Variants in HACD2 observed in about 807,000 individuals in gnomAD.
The protein encoded by HACD2 is very-long-chain (3R)-3-hydroxyacyl-CoA dehydratase 2.
In HACD2, 15 loss-of-function variants were observed where a neutral mutation model predicts 31.0. The observed-to-expected ratio is 0.48, with a 90% CI of 0.32 to 0.75. The LOEUF (loss-of-function observed/expected upper bound fraction) is 0.75, where lower values mean the gene tolerates loss of function less well. Ranked by LOEUF, HACD2 falls within the 30% of genes least tolerant of loss-of-function variation. The pLI, the probability that HACD2 is intolerant of heterozygous loss-of-function variation, is 0.03. For missense variants in HACD2, 283 were observed against 313.0 expected (o/e 0.90, Z 0.72); for synonymous variants, 115 against 122.2 (o/e 0.94, Z 0.39).
At chr3:123,578,712 AG>A (rs1405943981) in intron 2 of HACD2, among the ~76,000 whole-genome samples, 1 of 152,244 alleles carries the variant, frequency 6.6e-6, no homozygotes, top group African/African-American at 2.4e-5. Flanking sequence ...TTCCTTTTTA[AG>A]TAAACTCCCA....
chr3:123,542,146 CA>C (rs11391480), intron 3 of HACD2, among the ~76,000 whole-genome samples: 9 of 41,102 alleles, frequency 2.2e-4, no homozygotes, highest in African/African-American at 6.9e-4. Context: ...GACTCCGTCT[CA>C]AAAAAAAAAA....
chr3:123,544,180 G>C (rs527848389), intron 3 of HACD2, among the ~76,000 whole-genome samples: 4 of 152,320 alleles, frequency 2.6e-5, no homozygotes, highest in African/African-American at 9.6e-5. Flanking sequence ...CCTGTCGACA[G>C]CACATAAAAG....
chr3:123,582,776 T>C (rs1466820317), intron 1 of HACD2, among the ~76,000 whole-genome samples: 1 of 152,092 alleles, frequency 6.6e-6, no homozygotes, highest in Non-Finnish European at 1.5e-5. Flanking sequence ...GTTATAATTG[T>C]CTCACTGGAA....
At chr3:123,568,436 G>A (rs2056817877) in intron 2 of HACD2, among the ~76,000 whole-genome samples, 1 of 152,174 alleles carries the variant, frequency 6.6e-6, no homozygotes, top group Admixed American at 6.5e-5. Context: ...TATCCCTCTT[G>A]ATAACCAGCC....
chr3:123,547,954 A>G (rs2056579293), intron 3 of HACD2, among the ~76,000 whole-genome samples: 1 of 152,096 alleles, frequency 6.6e-6, no homozygotes, highest in Non-Finnish European at 1.5e-5. Flanking sequence ...CACTTACTAA[A>G]GCACACAGTA....
intron 3 of HACD2, 121 bp downstream of exon 3, chr3:123,567,641 C>A (rs923789430): frequency 3.2e-6 from 2 of 628,298 alleles, no homozygotes; most frequent in Admixed American, 6.9e-5. Context: ...CAATTTCATA[C>A]ATGATGACTA....
intron 3 of HACD2, among the ~76,000 whole-genome samples, chr3:123,538,976 G>A (rs780398411): frequency 6.6e-6 from 1 of 152,126 alleles, no homozygotes; most frequent in Admixed American, 6.5e-5. Context: ...TGTGATGTAC[G>A]AGTAATTTAA....
chr3:123,536,611 A>C (rs1005832696), intron 3 of HACD2, among the ~76,000 whole-genome samples: 12 of 152,226 alleles, frequency 7.9e-5, no homozygotes, highest in Non-Finnish European at 1.5e-4. Flanking sequence ...CTGCACTGAA[A>C]GAATACACCG....
In HACD2 at chr3:123,579,586, T is replaced by C. The variant is rs143265754; in HGVS notation, c.273+2626A>G. Among the ~76,000 whole-genome samples the C allele has an allele frequency of 9.2e-5, 14 of 152,310 alleles. No homozygotes were observed. The East Asian group carries it at 2.7e-3, about 29-fold the overall frequency. On this transcript the variant is annotated intron_variant, in intron 2 of 6. Coordinates refer to ENST00000383657, the MANE Select transcript of HACD2 (RefSeq NM_198402.5). ...CCCAAAGCTCTGGGATTGCTGGGACTATAAGCATGAGCCACTGTGCTCAGC... is the reference window on the plus strand; with the variant it reads ...CCCAAAGCTCTGGGATTGCTGGGACCATAAGCATGAGCCACTGTGCTCAGC...
At chr3:123,562,388 C>T (rs1201740403) in intron 3 of HACD2, among the ~76,000 whole-genome samples, 3 of 152,088 alleles carry the variant, frequency 2.0e-5, no homozygotes, top group East Asian at 3.8e-4. Flanking sequence ...AACCCCAACT[C>T]ATACTAAGAA....
intron 3 of HACD2, among the ~76,000 whole-genome samples, chr3:123,564,321 G>A (rs1190500064): frequency 6.6e-6 from 1 of 152,190 alleles, no homozygotes; most frequent in Non-Finnish European, 1.5e-5. Flanking sequence ...ACCCACAGAG[G>A]TTATGTTCAG....
intron 4 of HACD2, among the ~76,000 whole-genome samples, chr3:123,507,031 G>A (rs1576732209): frequency 6.6e-6 from 1 of 152,206 alleles, no homozygotes; most frequent in Non-Finnish European, 1.5e-5. Flanking sequence ...GCTGAGGCAG[G>A]AGGATCACTT....
chr3:123,572,950 A>G (rs1203317504), intron 2 of HACD2, among the ~76,000 whole-genome samples: 6 of 152,182 alleles, frequency 3.9e-5, no homozygotes, highest in Admixed American at 3.9e-4. Flanking sequence ...GCACCCCTGG[A>G]TCAGCCAGCT....
At chr3:123,551,775 C>T (rs577542603) in intron 3 of HACD2, among the ~76,000 whole-genome samples, 12 of 152,210 alleles carry the variant, frequency 7.9e-5, no homozygotes, top group Non-Finnish European at 1.6e-4. Flanking sequence ...GCTGTATAAA[C>T]ATTAAGCTAC....
At chr3:123,507,923 G>C (rs1031546819) in intron 4 of HACD2, among the ~76,000 whole-genome samples, 1 of 151,982 alleles carries the variant, frequency 6.6e-6, no homozygotes, top group Non-Finnish European at 1.5e-5. Flanking sequence ...GTATCTGGGA[G>C]GCTGAGGTGA....
In HACD2 at chr3:123,513,595, G is replaced by C. The variant is rs2107691734; in HGVS notation, c.382-10914C>G. ...ACAAGGCCATGAGGGACAGGGCAAG[G>C]CTGAGGAGATCGTCCAGACTGAAGG... is the stretch of plus-strand genomic sequence containing the variant. On this transcript the variant is annotated intron_variant, in intron 4 of 6. Coordinates refer to ENST00000383657, the MANE Select transcript of HACD2 (RefSeq NM_198402.5). 2.0e-5 allele frequency among the ~76,000 whole-genome samples: 3 copies of C among 152,326 alleles called. No homozygotes were observed. The South Asian group carries it at 6.2e-4, about 32-fold the overall frequency.
intron 3 of HACD2, among the ~76,000 whole-genome samples, chr3:123,561,851 G>A (rs1040185446): frequency 3.3e-5 from 5 of 151,504 alleles, no homozygotes; most frequent in South Asian, 2.1e-4. Context: ...TCACTCTGTC[G>A]CCCAGGCTGG....
chr3:123,542,249 A>G lies in HACD2; in HGVS notation c.293-13775T>C, dbSNP rs574810320. On this transcript the variant is annotated intron_variant, in intron 3 of 6. Coordinates refer to ENST00000383657, the MANE Select transcript of HACD2 (RefSeq NM_198402.5). Reference sequence around the variant, plus strand: ...AGCAAAGGGCATAAATAGACAATTCACACAAAAATGGCCACAATTAATAAA... The same window carrying G: ...AGCAAAGGGCATAAATAGACAATTCGCACAAAAATGGCCACAATTAATAAA... Among the ~76,000 whole-genome samples the G allele has an allele frequency of 2.0e-5, 3 of 152,084 alleles. No individual in the cohort carries two copies. The South Asian group carries it at 6.2e-4, about 32-fold the overall frequency.
chr3:123,528,563 TTA>T (rs1421206979), intron 3 of HACD2, 89 bp from the exon 4 acceptor site: 52 of 848,614 alleles, frequency 6.1e-5, no homozygotes, highest in Non-Finnish European at 1.0e-4. Context: ...ACTTAAATGT[TTA>T]GAGTCAAAAC....
Sources: allele counts gnomAD v4.1 joint callset (sites outside exome capture counted in the v4.1 genomes callset), GRCh38; gene constraint gnomAD v4.1.1; transcripts MANE v1.5; gene names NCBI Gene and HGNC (gene_info 2026-07-23, HGNC 2026-07-21).